Variants in RTN3 observed in about 807,000 individuals in gnomAD.
RTN3 encodes the protein reticulon 3.
Under a neutral mutation model 77.8 loss-of-function variants are expected in RTN3, and 49 were observed. The ratio of observed to expected loss-of-function variants is 0.63; its 90% CI spans 0.50 to 0.80. The LOEUF (loss-of-function observed/expected upper bound fraction) is 0.80, where lower values mean the gene tolerates loss of function less well. Ranked by LOEUF, RTN3 falls within the 30% of genes least tolerant of loss-of-function variation. The probability of loss-of-function intolerance (pLI) is 0.00; values close to 1 mark genes in which losing one functional copy is unlikely to be tolerated. For synonymous variants in RTN3, 464 were observed against 446.9 expected (o/e 1.04, Z -0.48); for missense variants, 1,236 against 1,211.9 (o/e 1.02, Z -0.29).
intron 2 of RTN3, among the ~76,000 whole-genome samples, chr11:63,711,609 G>A (rs2011162983): frequency 6.6e-6 from 1 of 152,032 alleles, no homozygotes; most frequent in Non-Finnish European, 1.5e-5. Context: ...TTGTTGCCCA[G>A]GCTGGAATGC....
At chr11:63,705,684 A>C (rs1388241212) in intron 2 of RTN3, among the ~76,000 whole-genome samples, 1 of 152,254 alleles carries the variant, frequency 6.6e-6, no homozygotes, top group East Asian at 1.9e-4. Context: ...ACACGTCATA[A>C]AAGCTAGGCT....
chr11:63,717,376 T>A (rs1176684291), intron 2 of RTN3, among the ~76,000 whole-genome samples: 1 of 73,066 alleles, frequency 1.4e-5, no homozygotes, highest in Non-Finnish European at 3.1e-5. Flanking sequence ...TAACTCTGTC[T>A]TTTTTTTTTT....
At chr11:63,705,722 C>G (rs1340579778) in intron 2 of RTN3, among the ~76,000 whole-genome samples, 1 of 152,186 alleles carries the variant, frequency 6.6e-6, no homozygotes, top group African/African-American at 2.4e-5. Context: ...AAACATTGAA[C>G]AAGTCAGTTA....
Position 63,719,166 on chromosome 11 carries a change from G to T in RTN3, c.664G>T (p.Gly222Cys). 6.2e-7 allele frequency: 1 copy of T among 1,614,168 alleles called. No homozygotes were observed. The highest frequency in any genetic ancestry group is 8.5e-7 in the Non-Finnish European group (1 of 1,180,016). The change falls in exon 3 of 9, where the codon GGC becomes TGC. Residue 222 changes from glycine to cysteine, a missense_variant. By Grantham distance (159) the Gly-to-Cys change is radical. Transcript: ENST00000377819. ...ACCTACTGAGTACTCTAAGGTAGAAGGCATTTATACATATTCTTTGTCTCC... is the reference window on the plus strand; with the variant it reads ...ACCTACTGAGTACTCTAAGGTAGAATGCATTTATACATATTCTTTGTCTCC... ...KPPTEYSKVE[G>C]IYTYSLSPSK...
chr11:63,707,952 G>A (rs1003442645), intron 2 of RTN3, among the ~76,000 whole-genome samples: 16 of 152,204 alleles, frequency 1.1e-4, no homozygotes, highest in Non-Finnish European at 2.4e-4. Context: ...AAGTAGCCCA[G>A]TGGGGCCCTA....
At chr11:63,697,329 A>G (rs1590792360) in intron 1 of RTN3, among the ~76,000 whole-genome samples, 1 of 146,758 alleles carries the variant, frequency 6.8e-6, no homozygotes, top group East Asian at 2.1e-4. Flanking sequence ...TTTTTGAGAT[A>G]GAGCCTCACT....
chr11:63,723,478 C>T (rs2011972816), intron 3 of RTN3, among the ~76,000 whole-genome samples: 1 of 148,836 alleles, frequency 6.7e-6, no homozygotes, highest in Admixed American at 6.8e-5. Flanking sequence ...GGCTGGAGTG[C>T]AGTGGCGCGA....
intron 3 of RTN3, among the ~76,000 whole-genome samples, chr11:63,740,134 T>C (rs886563505): frequency 2.0e-5 from 3 of 152,334 alleles, no homozygotes; most frequent in Non-Finnish European, 2.9e-5. Flanking sequence ...CTCTATCTCC[T>C]GGTCCTCTGT....
chr11:63,749,999 C>A lies in RTN3; in HGVS notation c.2539C>A (p.Leu847Met). 1 of 1,613,230 alleles carries A rather than the reference C, an allele frequency of 6.2e-7. No individual in the cohort carries two copies. The change falls in exon 4 of 9, where the codon CTG becomes ATG. Residue 847 changes from leucine (L) to methionine (M), a missense_variant. Coordinates refer to ENST00000377819, the MANE Select transcript of RTN3 (RefSeq NM_001265589.2). ...RLLTDFSVHD[L>M]IFWRDVKKTG... ...CCCTTTTCTTTTGTCAGTGCACGAT[C>A]TGATTTTCTGGAGAGATGTGAAGAA...
At chr11:63,689,508 C>G (rs1285863364) in intron 1 of RTN3, among the ~76,000 whole-genome samples, 1 of 152,130 alleles carries the variant, frequency 6.6e-6, no homozygotes, top group Non-Finnish European at 1.5e-5. Context: ...ATATTGCAAC[C>G]TCAGAGAGAA....
At chr11:63,695,177 T>C (rs1328734982) in intron 1 of RTN3, among the ~76,000 whole-genome samples, 1 of 152,236 alleles carries the variant, frequency 6.6e-6, no homozygotes, top group Non-Finnish European at 1.5e-5. Context: ...TACGAAGATA[T>C]GTAAGAGGGC....
At chr11:63,700,963 G>A (rs11231564) in intron 1 of RTN3, among the ~76,000 whole-genome samples, 7 of 151,362 alleles carry the variant, frequency 4.6e-5, no homozygotes, top group Non-Finnish European at 8.8e-5. Flanking sequence ...GGTGGTGCGC[G>A]CCTGTAGTCC....
chr11:63,697,005 C>G (rs1329404123), intron 1 of RTN3, among the ~76,000 whole-genome samples: 2 of 150,270 alleles, frequency 1.3e-5, no homozygotes, highest in East Asian at 4.0e-4. Context: ...CTGCCTCAGC[C>G]TCCTGAGTAG....
At chr11:63,750,265 T>TA in intron 4 of RTN3, 67 bp downstream of exon 4, 2 of 1,323,032 alleles carry the variant, frequency 1.5e-6, no homozygotes, top group Non-Finnish European at 2.1e-6. Flanking sequence ...CTGATAGGTC[T>TA]AAAACTCAGA....
At chr11:63,758,071 C>A in intron 8 of RTN3, 85 bp from the exon 9 acceptor site, 1 of 950,312 alleles carries the variant, frequency 1.1e-6, no homozygotes, top group Non-Finnish European at 1.6e-6. Context: ...CCAGGACTGT[C>A]CTCTAGCATC....
chr11:63,741,390 G>T (rs2013468704), intron 3 of RTN3, among the ~76,000 whole-genome samples: 3 of 151,472 alleles, frequency 2.0e-5, no homozygotes, highest in South Asian at 2.1e-4. Context: ...TTAGTAGAGA[G>T]GGGGTTTCAC....
At chr11:63,701,074 G>A (rs1053512511) in intron 1 of RTN3, among the ~76,000 whole-genome samples, 6 of 140,002 alleles carry the variant, frequency 4.3e-5, no homozygotes, top group African/African-American at 1.0e-4. Flanking sequence ...TGGTGACAGA[G>A]CGAGACTCCT....
At chr11:63,687,344 C>T (rs1464171973) in intron 1 of RTN3, among the ~76,000 whole-genome samples, 3 of 152,078 alleles carry the variant, frequency 2.0e-5, no homozygotes, top group Non-Finnish European at 4.4e-5. Flanking sequence ...TGGCTGGGCA[C>T]GGTGGCCCAC....
intron 3 of RTN3, among the ~76,000 whole-genome samples, chr11:63,735,598 C>CTCTCTCTCTCTCTCTCTG (rs1238903324): frequency 1.4e-5 from 2 of 147,768 alleles, no homozygotes; most frequent in African/African-American, 5.2e-5. Context: ...CTCTCTCTCT[C>CTCTCTCTCTCTCTCTCTG]TCTTTCTTTC....
Sources: allele counts gnomAD v4.1 joint callset (sites outside exome capture counted in the v4.1 genomes callset), GRCh38; gene constraint gnomAD v4.1.1; transcripts MANE v1.5; gene names NCBI Gene and HGNC (gene_info 2026-07-23, HGNC 2026-07-21).